The following GLDC variants were observed in gnomAD, a reference collection of about 807,000 sequenced individuals.
The protein encoded by GLDC is glycine decarboxylase.
In GLDC, 104 loss-of-function variants were observed where a neutral mutation model predicts 121.3. That is an observed-to-expected ratio of 0.86 (90% CI 0.73 to 1.01). The LOEUF is 1.01. Among genes scored for constraint, GLDC ranks in the 50% least tolerant of loss-of-function variants. The pLI, the probability that GLDC is intolerant of heterozygous loss-of-function variation, is 0.00. For missense variants in GLDC, 1,429 were observed against 1,306.6 expected (o/e 1.09, Z -1.44); for synonymous variants, 546 against 480.6 (o/e 1.14, Z -1.78).
chr9:6,573,559 C>T lies in GLDC; in HGVS notation c.1851-8130G>A, dbSNP rs548173376. 3.9e-5 allele frequency among the ~76,000 whole-genome samples: 6 copies of T among 151,984 alleles called. No homozygotes were observed. In the South Asian group the frequency reaches 1.0e-3, roughly 26 times the overall value. ...ATAAAGCAAAAGAAGAAGAAAAAAG[C>T]GACCCCCATCCATCCTACCCAGTGT... On this transcript the variant is annotated intron_variant, in intron 15 of 24. Coordinates refer to ENST00000321612, the MANE Select transcript of GLDC (RefSeq NM_000170.3).
chr9:6,579,293 T>C (rs1563845302), intron 15 of GLDC, among the ~76,000 whole-genome samples: 1 of 152,170 alleles, frequency 6.6e-6, no homozygotes, highest in Non-Finnish European at 1.5e-5. Flanking sequence ...TTTACCATCA[T>C]TTTGGTTATA....
chr9:6,541,344 T>C (rs931223130), intron 21 of GLDC: 3 of 152,178 alleles, frequency 2.0e-5, no homozygotes, highest in African/African-American at 7.2e-5. Flanking sequence ...GGAAAGTATC[T>C]ACTCATGAGA....
chr9:6,578,877 T>C (rs937403303), intron 15 of GLDC, among the ~76,000 whole-genome samples: 1 of 152,206 alleles, frequency 6.6e-6, no homozygotes, highest in Non-Finnish European at 1.5e-5. Flanking sequence ...TTTGTTCCAC[T>C]GGTTATTTAT....
At chr9:6,588,499 C>G in intron 13 of GLDC, 57 bp from the exon 14 acceptor site, 4 of 1,502,780 alleles carry the variant, frequency 2.7e-6, no homozygotes, top group Non-Finnish European at 3.7e-6. Context: ...GTCCATCAAT[C>G]AACCCTCCAT....
chr9:6,620,362 G>A, intron 2 of GLDC, 43 bp from the exon 3 acceptor site: 1 of 1,546,670 alleles, frequency 6.5e-7, no homozygotes, highest in South Asian at 1.1e-5. Context: ...AGATGTCTCA[G>A]AAAAGAGCTC....
intron 15 of GLDC, among the ~76,000 whole-genome samples, chr9:6,585,330 C>T (rs763113371): frequency 3.9e-5 from 6 of 152,096 alleles, no homozygotes; most frequent in South Asian, 2.1e-4. Flanking sequence ...CACTAGAGGG[C>T]GAAATTTCTT....
Position 6,536,213 on chromosome 9 carries a change from A to G in GLDC, c.2689T>C (p.Trp897Arg). The G allele has an allele frequency of 6.2e-7, 1 of 1,614,026 alleles. No individual in the cohort carries two copies. Among genetic ancestry groups the G allele is most frequent in the Non-Finnish European group, 8.5e-7 (1 of 1,179,958 alleles). ...DYGFHAPTMS[W>R]PVAGTLMVEP... ...ACCATGAGGGTCCCTGCCACAGGCC[A>G]GGACATGGTAGGGGCGTGAAATCCT... The change falls in exon 23 of 25, where the codon TGG (tryptophan) becomes CGG (arginine). Residue 897 changes from tryptophan (W) to arginine (R), a missense_variant. Trp to Arg is a moderately radical substitution (Grantham distance 101). Transcript: ENST00000321612.
intron 9 of GLDC, among the ~76,000 whole-genome samples, chr9:6,593,724 A>C (rs1363881004): frequency 6.9e-6 from 1 of 144,662 alleles, no homozygotes; most frequent in Non-Finnish European, 1.5e-5. Context: ...ATGGAGTCTC[A>C]CTCTGTTGCC....
At chr9:6,535,997 G>T in intron 23 of GLDC, 67 bp downstream of exon 23, 2 of 1,330,916 alleles carry the variant, frequency 1.5e-6, no homozygotes, top group Non-Finnish European at 2.2e-6. Flanking sequence ...GGAGTTGCTG[G>T]TACACTGTCC....
At chr9:6,550,201 TTTGTAAATAATTAGC>T (rs1330825656) in intron 21 of GLDC, among the ~76,000 whole-genome samples, 1 of 152,246 alleles carries the variant, frequency 6.6e-6, no homozygotes, top group Non-Finnish European at 1.5e-5. Context: ...ATCATAGCAC[TTTGTAAATAATTAGC>T]TTATGGTATT....
intron 13 of GLDC, 64 bp from the exon 14 acceptor site, chr9:6,588,506 C>A: frequency 2.7e-6 from 4 of 1,484,246 alleles, no homozygotes. Flanking sequence ...AATCAACCCT[C>A]CATTCTCCCA....
chr9:6,634,757 C>G (rs1402302093), intron 2 of GLDC, among the ~76,000 whole-genome samples: 2 of 152,122 alleles, frequency 1.3e-5, no homozygotes, highest in East Asian at 3.9e-4. Context: ...CCTACCCAGT[C>G]TTCATTCTGC....
chr9:6,563,315 A>G (rs1032424283), intron 16 of GLDC, among the ~76,000 whole-genome samples: 4 of 152,222 alleles, frequency 2.6e-5, no homozygotes, highest in Non-Finnish European at 5.9e-5. Flanking sequence ...CGTGGAAAGA[A>G]TCTGGATTTT....
intron 17 of GLDC, 55 bp downstream of exon 17, chr9:6,558,504 C>T: frequency 6.2e-7 from 1 of 1,600,298 alleles, no homozygotes; most frequent in East Asian, 2.2e-5. Context: ...GTCCCTGATC[C>T]CCACCAGCAC....
rs568012328 is a variant in GLDC, at chr9:6,565,301, G to T, written c.1926+53C>A. The T allele has an allele frequency of 3.2e-5, 40 of 1,262,714 alleles. No individual in the cohort carries two copies. The South Asian group carries it at 4.4e-4, about 14-fold the overall frequency. The allele number at this position is 1,262,714 out of a possible 1,614,324, so 78.2% of individuals were successfully genotyped here. A position where few individuals can be genotyped will look rare whatever the true frequency, so the allele number is the denominator to read the frequency against. ...GTGTCCCACAGAAGGGACCCTGAGA[G>T]CCAGGACCTCTGTGCCCCATGGTGA... On this transcript the variant is annotated intron_variant, in intron 16 of 24. Transcript: ENST00000321612.
At chr9:6,572,285 T>A (rs7030133) in intron 15 of GLDC, among the ~76,000 whole-genome samples, 1 of 151,988 alleles carries the variant, frequency 6.6e-6, no homozygotes, top group Non-Finnish European at 1.5e-5. Context: ...GAGCAGTAAG[T>A]ACAAATGCAA....
intron 21 of GLDC, among the ~76,000 whole-genome samples, chr9:6,546,507 C>T (rs115928451): frequency 0.026 from 3,972 of 151,888 alleles, 166 homozygotes; most frequent in African/African-American, 0.09. Context: ...GCCCCACCTC[C>T]GACATCTTGT....
rs773035677 is a variant in GLDC, at chr9:6,556,129, A to T, written c.2202+24T>A. 29 of 1,600,418 alleles carry T rather than the reference A, an allele frequency of 1.8e-5. 1 individual carries two copies. The highest frequency in any genetic ancestry group is 2.5e-5 in the Non-Finnish European group (29 of 1,169,368). On this transcript the variant is annotated intron_variant, in intron 18 of 24. Coordinates refer to ENST00000321612, the MANE Select transcript of GLDC (RefSeq NM_000170.3). ...ATATCCATTTTCTCAGTGGGAACTA[A>T]GGGCGGGCCTCTTCAGTTCCCACCT...
At chr9:6,580,486 T>TGTAG (rs1818152413) in intron 15 of GLDC, among the ~76,000 whole-genome samples, 1 of 152,176 alleles carries the variant, frequency 6.6e-6, no homozygotes, top group Non-Finnish European at 1.5e-5. Context: ...ATCCGGAAGA[T>TGTAG]GTAGGGCTCA....
Sources: gnomAD v4.1 joint callset for allele counts (sites outside exome capture counted in the v4.1 genomes callset) on GRCh38, gnomAD v4.1.1 for gene constraint, MANE v1.5 for transcripts, NCBI Gene and HGNC (gene_info 2026-07-23, HGNC 2026-07-21) for gene names.